The following SPAG16 variants were observed in gnomAD, a reference collection of about 807,000 sequenced individuals.
The protein encoded by SPAG16 is sperm associated antigen 16, also known as sperm-associated antigen 16 protein.
A neutral mutation model predicts 80.4 loss-of-function variants in SPAG16; 86 were observed. The observed-to-expected ratio is 1.07, with a 90% CI of 0.90 to 1.28. The LOEUF is 1.28. Among genes scored for constraint, SPAG16 ranks in the 50% most tolerant of loss-of-function variants. SPAG16 has a pLI of 0.00. For missense variants in SPAG16, 870 were observed against 765.3 expected (o/e 1.14, Z -1.61); for synonymous variants, 294 against 265.9 (o/e 1.11, Z -1.03).
chr2:213,536,179 T>C (rs1224544283), intron 10 of SPAG16, among the ~76,000 whole-genome samples: 1 of 152,126 alleles, frequency 6.6e-6, no homozygotes, highest in East Asian at 1.9e-4. Context: ...TTTCTTCTTG[T>C]TTTTACTCAA....
In SPAG16 at chr2:214,410,249, G is replaced by C. The variant is rs1472487354; in HGVS notation, c.1830G>C (p.Val610=). ...ACGAAAACGAGGCACACACGGTTGTGTTTTCTCACGACGGGGAGATTCTCT... is the reference window on the plus strand; with the variant it reads ...ACGAAAACGAGGCACACACGGTTGTCTTTTCTCACGACGGGGAGATTCTCT... The part of the protein sequence containing the change: ...MGHENEAHTV[V]FSHDGEILFS... Residue 610 remains valine (V), a synonymous_variant, in exon 16 of 16, where the codon GTG becomes GTC. Coordinates refer to ENST00000331683, the MANE Select transcript of SPAG16 (RefSeq NM_024532.5). 6 of 1,612,418 alleles carry C rather than the reference G, an allele frequency of 3.7e-6. No individual in the cohort carries two copies. In the African/African-American group the frequency reaches 6.7e-5, roughly 18 times the overall value.
intron 10 of SPAG16, among the ~76,000 whole-genome samples, chr2:213,656,371 C>G (rs888950643): frequency 6.6e-6 from 1 of 152,252 alleles, no homozygotes; most frequent in African/African-American, 2.4e-5. Flanking sequence ...GGGGTTTCAC[C>G]GTGTTAGCCA....
chr2:213,870,387 T>G (rs1392045432), intron 11 of SPAG16, among the ~76,000 whole-genome samples: 3 of 152,182 alleles, frequency 2.0e-5, no homozygotes, highest in Non-Finnish European at 4.4e-5. Flanking sequence ...TCCTCTGAAT[T>G]TATGTATTAT....
intron 10 of SPAG16, among the ~76,000 whole-genome samples, chr2:213,712,487 T>C (rs1186819874): frequency 1.3e-5 from 2 of 152,128 alleles, no homozygotes; most frequent in African/African-American, 4.8e-5. Flanking sequence ...TGCCGCACCA[T>C]CTAAGCCAGA....
At chr2:213,977,300 A>C (rs2045463836) in intron 12 of SPAG16, among the ~76,000 whole-genome samples, 1 of 151,984 alleles carries the variant, frequency 6.6e-6, no homozygotes, top group Non-Finnish European at 1.5e-5. Flanking sequence ...TGAGGTTCAT[A>C]TGCTGTTATC....
At chr2:214,041,543 G>A (rs2049009070) in intron 13 of SPAG16, among the ~76,000 whole-genome samples, 1 of 151,256 alleles carries the variant, frequency 6.6e-6, no homozygotes, top group Non-Finnish European at 1.5e-5. Flanking sequence ...TTTTTTTAGG[G>A]GAAGATTTTA....
At chr2:213,452,101 T>C (rs1334638909) in intron 9 of SPAG16, among the ~76,000 whole-genome samples, 1 of 152,214 alleles carries the variant, frequency 6.6e-6, no homozygotes, top group Non-Finnish European at 1.5e-5. Context: ...CCCAGGACAC[T>C]TCCAGCTCTG....
rs957492940 is a variant in SPAG16, at chr2:213,823,885, T to C, written c.1071-38600T>C. ...GGCTGCTTGTTCACTCTAATGATAG[T>C]TTCTTTTGCTGTGCAGAAGCTCTTT... On this transcript the variant is annotated intron_variant, in intron 10 of 15. Coordinates refer to ENST00000331683, the MANE Select transcript of SPAG16 (RefSeq NM_024532.5). Among the ~76,000 whole-genome samples the C allele has an allele frequency of 2.0e-5, 3 of 152,344 alleles. No individual in the cohort carries two copies. The East Asian group carries it at 5.8e-4, about 29-fold the overall frequency.
At chr2:213,818,912 C>T (rs952800563) in intron 10 of SPAG16, among the ~76,000 whole-genome samples, 1 of 152,136 alleles carries the variant, frequency 6.6e-6, no homozygotes, top group Non-Finnish European at 1.5e-5. Context: ...TCTGAAGCCT[C>T]CCCCGCCATG....
At chr2:214,055,213 C>T (rs2049875135) in intron 13 of SPAG16, among the ~76,000 whole-genome samples, 1 of 152,122 alleles carries the variant, frequency 6.6e-6, no homozygotes, top group Non-Finnish European at 1.5e-5. Flanking sequence ...CCCTACTCTA[C>T]TTGAAATCCT....
At chr2:213,614,087 A>G (rs867006081) in intron 10 of SPAG16, among the ~76,000 whole-genome samples, 2 of 152,194 alleles carry the variant, frequency 1.3e-5, no homozygotes, top group African/African-American at 4.8e-5. Context: ...GTATGGTAAA[A>G]TACTGTTTCC....
intron 10 of SPAG16, among the ~76,000 whole-genome samples, chr2:213,790,633 T>C (rs1005635545): frequency 2.6e-5 from 4 of 151,986 alleles, no homozygotes; most frequent in African/African-American, 9.7e-5. Context: ...AAACACCAAT[T>C]ATATACAATG....
At chr2:213,286,195 C>T (rs1363445679) in intron 1 of SPAG16, among the ~76,000 whole-genome samples, 1 of 152,172 alleles carries the variant, frequency 6.6e-6, no homozygotes, top group Non-Finnish European at 1.5e-5. Context: ...AACTTTAACA[C>T]ATATAAGCAA....
In SPAG16 at chr2:214,403,953, A is replaced by G. The variant is rs189545105; in HGVS notation, c.1721-6187A>G. 6.6e-5 allele frequency among the ~76,000 whole-genome samples: 10 copies of G among 152,348 alleles called. 1 individual carries two copies. The highest frequency in any genetic ancestry group is 2.2e-4 in the African/African-American group (9 of 41,586). On this transcript the variant is annotated intron_variant, in intron 15 of 15. Transcript: ENST00000331683. ...TTGTACCAACTTGGTGAAGAAAATCATTTTGAACTAGGATTTAATAGGTAG... is the reference window on the plus strand; with the variant it reads ...TTGTACCAACTTGGTGAAGAAAATCGTTTTGAACTAGGATTTAATAGGTAG...
intron 10 of SPAG16, among the ~76,000 whole-genome samples, chr2:213,594,067 G>C (rs1045343486): frequency 1.3e-5 from 2 of 151,880 alleles, no homozygotes; most frequent in African/African-American, 4.8e-5. Flanking sequence ...GAGCCACCGC[G>C]CCCGGCCATC....
chr2:213,937,882 C>T (rs577437126), intron 12 of SPAG16, among the ~76,000 whole-genome samples: 2 of 152,044 alleles, frequency 1.3e-5, no homozygotes, highest in African/African-American at 4.8e-5. Flanking sequence ...TACCAATATA[C>T]ATGGATCAAT....
intron 10 of SPAG16, among the ~76,000 whole-genome samples, chr2:213,855,962 C>A (rs1423381065): frequency 6.6e-6 from 1 of 152,108 alleles, no homozygotes; most frequent in Non-Finnish European, 1.5e-5. Flanking sequence ...ATGTCCTTCC[C>A]AGTCCCCCAA....
chr2:213,877,118 A>AT (rs2106010553), intron 11 of SPAG16, among the ~76,000 whole-genome samples: 1 of 152,268 alleles, frequency 6.6e-6, no homozygotes, highest in Non-Finnish European at 1.5e-5. Context: ...TGCCTTTAAC[A>AT]TGTACTTTTT....
At chr2:213,818,747 A>G (rs560742432) in intron 10 of SPAG16, among the ~76,000 whole-genome samples, 5 of 152,102 alleles carry the variant, frequency 3.3e-5, no homozygotes, top group Non-Finnish European at 7.4e-5. Context: ...TGATTGTACC[A>G]TGGGGGTGGT....
Sources: allele counts gnomAD v4.1 joint callset (sites outside exome capture counted in the v4.1 genomes callset), GRCh38; gene constraint gnomAD v4.1.1; transcripts MANE v1.5; gene names NCBI Gene and HGNC (gene_info 2026-07-23, HGNC 2026-07-21).